Variants in EFCAB5 observed in about 807,000 individuals in gnomAD.
EFCAB5 encodes the protein EF-hand calcium binding domain 5.
In EFCAB5, 131 loss-of-function variants were observed where a neutral mutation model predicts 167.9. The ratio of observed to expected loss-of-function variants is 0.78; its 90% CI spans 0.68 to 0.90. The LOEUF (loss-of-function observed/expected upper bound fraction) is 0.90, where lower values mean the gene tolerates loss of function less well. EFCAB5 is among the 40% of genes least tolerant of loss of function. The probability of loss-of-function intolerance (pLI) is 0.00; values close to 1 mark genes in which losing one functional copy is unlikely to be tolerated. For missense variants in EFCAB5, 1,663 were observed against 1,745.2 expected, an observed-to-expected ratio of 0.95 and a Z score of 0.84; for synonymous variants, 574 against 602.8, an observed-to-expected ratio of 0.95 and a Z score of 0.70.
At chr17:30,069,476 G>A (rs561447671) in intron 14 of EFCAB5, 20 of 1,586,590 alleles carry the variant, frequency 1.3e-5, no homozygotes, top group Non-Finnish European at 1.6e-5. Context: ...GATTGATGGC[G>A]TTCACCAGTT....
chr17:30,077,517 G>A (rs1050397334), intron 14 of EFCAB5, among the ~76,000 whole-genome samples: 4 of 152,052 alleles, frequency 2.6e-5, no homozygotes, highest in Non-Finnish European at 4.4e-5. Flanking sequence ...AATGGAATAG[G>A]GCAGATCATA....
rs753340607 is a variant in EFCAB5, at chr17:30,056,134, C to T, written c.2343C>T (p.Ile781=). ...TFEDEEQANL[I]YGNSRFTDLH... The stretch of plus-strand genomic sequence containing the variant: ...AAGATGAGGAACAGGCAAACTTAAT[C>T]TATGGTAACTCCAGGTTCACAGGTA... Residue 781 remains isoleucine, a synonymous_variant, in exon 12 of 23, where the codon ATC becomes ATT. Coordinates refer to ENST00000394835, the MANE Select transcript of EFCAB5 (RefSeq NM_198529.4). 1.9e-6 allele frequency: 3 copies of T among 1,610,836 alleles called. No homozygotes were observed. In the South Asian group the frequency reaches 3.3e-5, roughly 18 times the overall value.
intron 6 of EFCAB5, among the ~76,000 whole-genome samples, chr17:29,999,693 T>G (rs1356357706): frequency 1.3e-5 from 2 of 152,142 alleles, no homozygotes; most frequent in Non-Finnish European, 2.9e-5. Flanking sequence ...TAGGCTCTTT[T>G]TTTTTAGTAT....
Position 30,092,822 on chromosome 17 carries a change from CTTG to C in EFCAB5, c.4225-12_4225-10del, listed in dbSNP as rs2151850364. ...TTCCTGGTGATCCCATAAATTTTCTCTTGTTGTTTGTTCACAGTATGTTAACAA... is the reference window on the plus strand; with the variant it reads ...TTCCTGGTGATCCCATAAATTTTCTCTTGTTTGTTCACAGTATGTTAACAA... On this transcript the variant is annotated splice_polypyrimidine_tract_variant and intron_variant, in intron 21 of 22. Coordinates refer to ENST00000394835, the MANE Select transcript of EFCAB5 (RefSeq NM_198529.4). The C allele has an allele frequency of 6.3e-7, 1 of 1,584,632 alleles. No homozygotes were observed. Among genetic ancestry groups the C allele is most frequent in the Non-Finnish European group, 8.6e-7 (1 of 1,159,828 alleles).
At chr17:29,947,190 A>G (rs1354726779) in intron 3 of EFCAB5, among the ~76,000 whole-genome samples, 1 of 152,062 alleles carries the variant, frequency 6.6e-6, no homozygotes, top group Non-Finnish European at 1.5e-5. Flanking sequence ...AAAAAAAAGA[A>G]AAAGAAAATG....
chr17:29,958,604 G>T (rs2151553390), intron 3 of EFCAB5, among the ~76,000 whole-genome samples: 1 of 152,246 alleles, frequency 6.6e-6, no homozygotes, highest in South Asian at 2.1e-4. Context: ...TTCTCTGTCT[G>T]AAAGGTCAGA....
At chr17:29,946,625 A>C (rs1271563485) in intron 3 of EFCAB5, among the ~76,000 whole-genome samples, 1 of 151,646 alleles carries the variant, frequency 6.6e-6, no homozygotes, top group African/African-American at 2.4e-5. Context: ...TTTTTAGTAG[A>C]GACTGGGTTT....
intron 3 of EFCAB5, among the ~76,000 whole-genome samples, chr17:29,952,475 A>G (rs1003551233): frequency 6.6e-6 from 1 of 152,226 alleles, no homozygotes; most frequent in Non-Finnish European, 1.5e-5. Context: ...TTGTCTTTAT[A>G]GTAAAAAAAG....
chr17:29,960,494 G>A (rs2067699945), intron 3 of EFCAB5, among the ~76,000 whole-genome samples: 1 of 152,036 alleles, frequency 6.6e-6, no homozygotes. Flanking sequence ...TTGTTACATA[G>A]GTAAACATGT....
intron 3 of EFCAB5, among the ~76,000 whole-genome samples, chr17:29,957,113 A>G (rs190553375): frequency 3.9e-5 from 6 of 152,120 alleles, no homozygotes; most frequent in Admixed American, 3.9e-4. Context: ...TATTCTGTTG[A>G]GGTATATTCC....
At position 30,101,426 on chromosome 17, in the gene EFCAB5, G is replaced by A. The variant is rs536983573; in HGVS notation, c.4322-6408G>A. Among the ~76,000 whole-genome samples the A allele has an allele frequency of 2.8e-3, 425 of 152,300 alleles. 2 individuals are homozygous for A. Among genetic ancestry groups the A allele is most frequent in the Non-Finnish European group, 3.2e-3 (216 of 68,020 alleles). ...GGTTGACTCCATGGTTTGGAAGGATGGAGTTACCATCAGCTGAGATGGAGA... is the reference window on the plus strand; with the variant it reads ...GGTTGACTCCATGGTTTGGAAGGATAGAGTTACCATCAGCTGAGATGGAGA... On this transcript the variant is annotated intron_variant, in intron 22 of 22. Transcript: ENST00000394835.
At chr17:29,942,207 GGAT>G (rs2067308432) in intron 1 of EFCAB5, 30 bp from the exon 2 acceptor site, 1 of 1,541,122 alleles carries the variant, frequency 6.5e-7, no homozygotes, top group Admixed American at 2.2e-5. Context: ...AGCTCTTTTT[GGAT>G]GCCATTTACT....
intron 19 of EFCAB5, among the ~76,000 whole-genome samples, chr17:30,088,291 AT>A (rs563720265): frequency 1.4e-4 from 21 of 148,552 alleles, no homozygotes; most frequent in African/African-American, 2.7e-4. Flanking sequence ...AGCTCATTTA[AT>A]TTTTTTTTTT....
Position 30,083,003 on chromosome 17 carries a change from C to G in EFCAB5, c.3539C>G (p.Thr1180Ser). The G allele has an allele frequency of 1.2e-6, 2 of 1,614,008 alleles. No homozygotes were observed. Among genetic ancestry groups the G allele is most frequent in the Non-Finnish European group, 1.7e-6 (2 of 1,179,902 alleles). ...CTTTATGACGTCACATCCAGCATCA[C>G]CTCCATCACTACGTACTTTGTAGAG... is the stretch of plus-strand genomic sequence containing the variant. Reference protein sequence around the residue: ...GWLYDVTSSITSITTYFVEPS... With the variant: ...GWLYDVTSSISSITTYFVEPS... Residue 1180 changes from threonine to serine, a missense_variant, in exon 18 of 23, where the codon ACC (threonine) becomes AGC (serine). Transcript: ENST00000394835.
chr17:29,986,323 C>A (rs114795080), intron 4 of EFCAB5, among the ~76,000 whole-genome samples: 5,273 of 152,248 alleles, frequency 0.035, 135 homozygotes, highest in African/African-American at 0.063. Flanking sequence ...GTTGAGGTGC[C>A]ACTATATGGC....
chr17:30,048,491 CTTT>C (rs748404709), intron 8 of EFCAB5, among the ~76,000 whole-genome samples: 3 of 142,818 alleles, frequency 2.1e-5, no homozygotes, highest in African/African-American at 2.6e-5. Flanking sequence ...GAGGATACTT[CTTT>C]TTTTTTTTTT....
chr17:30,000,469 A>G (rs955213481), intron 7 of EFCAB5, among the ~76,000 whole-genome samples: 7 of 152,202 alleles, frequency 4.6e-5, no homozygotes, highest in African/African-American at 1.7e-4. Flanking sequence ...TCTACATAAT[A>G]TTGCATATGA....
intron 4 of EFCAB5, among the ~76,000 whole-genome samples, chr17:29,986,363 A>G (rs911274300): frequency 6.6e-6 from 1 of 152,198 alleles, no homozygotes; most frequent in Admixed American, 6.5e-5. Flanking sequence ...AACTCTTGCC[A>G]TACTTCTTAC....
Position 29,969,083 on chromosome 17 carries a change from T to A in EFCAB5, c.483T>A (p.Phe161Leu), listed in dbSNP as rs571393173. 7 of 1,613,554 alleles carry A rather than the reference T, an allele frequency of 4.3e-6. No homozygotes were observed. The highest frequency in any genetic ancestry group is 3.3e-5 in the Admixed American group (2 of 59,974). Reference protein sequence around the residue: ...LPRDNLAKEWFNTDSMTLNNT... With the variant: ...LPRDNLAKEWLNTDSMTLNNT... ...GGGATAATTTGGCCAAAGAGTGGTT[T>A]AATACTGACAGCATGACACTGAATA... The change falls in exon 4 of 23, where the codon TTT becomes TTA. Residue 161 changes from phenylalanine (F) to leucine (L), a missense_variant. By Grantham distance (22) the Phe-to-Leu change is conservative. Coordinates refer to ENST00000394835, the MANE Select transcript of EFCAB5 (RefSeq NM_198529.4).
Sources: gnomAD v4.1 joint callset for allele counts (sites outside exome capture counted in the v4.1 genomes callset) on GRCh38, gnomAD v4.1.1 for gene constraint, MANE v1.5 for transcripts, NCBI Gene and HGNC (gene_info 2026-07-23, HGNC 2026-07-21) for gene names.